Variants in RNF24 observed in about 807,000 individuals in gnomAD.
RNF24 encodes the protein ring finger protein 24.
In RNF24, 14 loss-of-function variants were observed where a neutral mutation model predicts 20.0. The observed-to-expected ratio is 0.70, with a 90% confidence interval of 0.46 to 1.10. The LOEUF (loss-of-function observed/expected upper bound fraction) is 1.10, where lower values mean the gene tolerates loss of function less well. RNF24 is among the 50% of genes least tolerant of loss of function. The pLI is 0.00. For synonymous variants in RNF24, 45 were observed against 61.1 expected (o/e 0.74, Z 1.23); for missense variants, 124 against 177.6 (o/e 0.70, Z 1.71).
chr20:3,962,217 G>A (rs903726707), intron 2 of RNF24, among the ~76,000 whole-genome samples: 1 of 152,110 alleles, frequency 6.6e-6, no homozygotes. Flanking sequence ...TTGGCCAGGT[G>A]TGGTGGCAGG....
intron 2 of RNF24, among the ~76,000 whole-genome samples, chr20:3,949,473 C>T (rs541131283): frequency 1.3e-5 from 2 of 152,116 alleles, no homozygotes; most frequent in East Asian, 3.9e-4. Context: ...ATCGCTTGAG[C>T]CCAGGAGTTC....
chr20:3,991,494 C>T (rs1046940997), intron 1 of RNF24, among the ~76,000 whole-genome samples: 5 of 152,110 alleles, frequency 3.3e-5, no homozygotes, highest in South Asian at 2.1e-4. Context: ...CCTCATGATC[C>T]GCCTGCCTAA....
intron 1 of RNF24, among the ~76,000 whole-genome samples, chr20:4,009,584 CAAT>C (rs1982270980): frequency 6.6e-6 from 1 of 151,702 alleles, no homozygotes; most frequent in Non-Finnish European, 1.5e-5. Context: ...CCTAAACCCT[CAAT>C]GAACTATGAG....
At chr20:4,005,185 G>T (rs1255433523) in intron 1 of RNF24, among the ~76,000 whole-genome samples, 1 of 151,920 alleles carries the variant, frequency 6.6e-6, no homozygotes, top group East Asian at 1.9e-4. Flanking sequence ...CATTTAGTTT[G>T]TCATCCATAA....
intron 1 of RNF24, among the ~76,000 whole-genome samples, chr20:4,014,578 A>G (rs1450408287): frequency 6.6e-6 from 1 of 152,240 alleles, no homozygotes; most frequent in Non-Finnish European, 1.5e-5. Flanking sequence ...TCCAATGAAT[A>G]AAACCCACTG....
At chr20:3,976,965 T>G (rs1317473192) in intron 1 of RNF24, among the ~76,000 whole-genome samples, 1 of 152,214 alleles carries the variant, frequency 6.6e-6, no homozygotes, top group Non-Finnish European at 1.5e-5. Context: ...TACTGTTTAT[T>G]GTAGCTGCAT....
chr20:4,008,492 AATAT>A (rs570867195), intron 1 of RNF24, among the ~76,000 whole-genome samples: 3 of 85,188 alleles, frequency 3.5e-5, no homozygotes, highest in Non-Finnish European at 4.6e-5. Context: ...AATATAATAT[AATAT>A]ATATATTATA....
In RNF24 at chr20:3,999,786, A is replaced by C. The variant is rs370385046; in HGVS notation, c.-8+15651T>G. On this transcript the variant is annotated intron_variant, in intron 1 of 5. Transcript: ENST00000358395. ...AAAACAAAACAAACAAACAAACAAA[A>C]AAAGTCACTTCATCTTTTCTTCCTT... Among the ~76,000 whole-genome samples, 6 of 152,156 alleles carry C rather than the reference A, an allele frequency of 3.9e-5. No homozygotes were observed. The East Asian group carries it at 7.7e-4, about 20-fold the overall frequency.
At chr20:3,970,633 A>G (rs2091305426) in intron 1 of RNF24, among the ~76,000 whole-genome samples, 1 of 152,226 alleles carries the variant, frequency 6.6e-6, no homozygotes, top group Admixed American at 6.5e-5. Flanking sequence ...GCAAAGAAAC[A>G]GAAGATATAA....
At chr20:3,956,824 T>G (rs762437687) in intron 2 of RNF24, among the ~76,000 whole-genome samples, 2 of 152,146 alleles carry the variant, frequency 1.3e-5, no homozygotes, top group Non-Finnish European at 2.9e-5. Flanking sequence ...TTTCTTTACA[T>G]GAAAAAATAC....
At chr20:3,949,777 T>A (rs1461127326) in intron 2 of RNF24, among the ~76,000 whole-genome samples, 4 of 152,164 alleles carry the variant, frequency 2.6e-5, no homozygotes, top group Admixed American at 2.0e-4. Context: ...GTCTGAAAAA[T>A]TTTTAAATTT....
chr20:3,945,025 T>C (rs1201233561), intron 4 of RNF24, 152 bp downstream of exon 4: 4 of 968,058 alleles, frequency 4.1e-6, no homozygotes, highest in Non-Finnish European at 6.2e-6. Flanking sequence ...ACACAATTGA[T>C]TTTTATGTGA....
Position 3,934,047 on chromosome 20 carries a change from T to C in RNF24, c.*16A>G, listed in dbSNP as rs2146936003. The C allele has an allele frequency of 6.9e-7, 1 of 1,449,932 alleles. No homozygotes were observed. The highest frequency in any genetic ancestry group is 2.7e-5 in the East Asian group (1 of 37,304). 89.8% of individuals were successfully genotyped at this position (1,449,932 alleles called of 1,614,324 possible). On this transcript the variant is annotated 3_prime_UTR_variant, in exon 6 of 6. Transcript: ENST00000358395. The surrounding 1 kb of genome is among the most constrained non-coding windows in gnomAD (Gnocchi z 4.0). ...ACAGACGTCGTGTCCAGCAACAGTC[T>C]GATCCTTGCGGTAAGCTATACAATG...
chr20:3,953,400 G>A (rs2091104381), intron 2 of RNF24, among the ~76,000 whole-genome samples: 1 of 149,756 alleles, frequency 6.7e-6, no homozygotes, highest in Admixed American at 6.7e-5. Flanking sequence ...TGATCTGCCT[G>A]CCTCAGCCTC....
chr20:3,945,344 G>C (rs2091003990), intron 3 of RNF24, 126 bp from the exon 4 acceptor site: 1 of 949,210 alleles, frequency 1.1e-6, no homozygotes, highest in Admixed American at 3.3e-5. Flanking sequence ...ATATTGAAGG[G>C]AATTTCTTTT....
At position 3,927,432 on chromosome 20, in the gene RNF24, C is replaced by T. The variant is rs2090739103; in HGVS notation, c.*6631G>A. ...AGCAATTAAATATACAAAAATATAGCTTACAAAAAACTGCGAATGTTTAAA... is the reference window on the plus strand; with the variant it reads ...AGCAATTAAATATACAAAAATATAGTTTACAAAAAACTGCGAATGTTTAAA... On this transcript the variant is annotated 3_prime_UTR_variant, in exon 6 of 6. Coordinates refer to ENST00000358395, the MANE Select transcript of RNF24 (RefSeq NM_001134337.3). The T allele has an allele frequency of 6.6e-6, 1 of 152,128 alleles. No homozygotes were observed. Among genetic ancestry groups the T allele is most frequent in the African/African-American group, 2.4e-5 (1 of 41,410 alleles). The allele number at this position is 152,128 out of a possible 1,614,324, so 9.4% of individuals were successfully genotyped here.
intron 1 of RNF24, among the ~76,000 whole-genome samples, chr20:4,011,886 A>C (rs1982486958): frequency 6.6e-6 from 1 of 152,246 alleles, no homozygotes; most frequent in Non-Finnish European, 1.5e-5. Flanking sequence ...TCCACAGAGA[A>C]TATCCAAAAG....
At chr20:3,970,052 C>T (rs2091298868) in intron 1 of RNF24, among the ~76,000 whole-genome samples, 1 of 152,042 alleles carries the variant, frequency 6.6e-6, no homozygotes, top group African/African-American at 2.4e-5. Flanking sequence ...TACATGTGGA[C>T]CCTGACTTCT....
At chr20:3,958,861 C>A (rs2091171373) in intron 2 of RNF24, among the ~76,000 whole-genome samples, 1 of 152,174 alleles carries the variant, frequency 6.6e-6, no homozygotes, top group South Asian at 2.1e-4. Context: ...AGGCTGGTCT[C>A]AAACTCCTAA....
Sources: gnomAD v4.1 joint callset for allele counts (sites outside exome capture counted in the v4.1 genomes callset) on GRCh38, gnomAD v4.1.1 for gene constraint, Gnocchi (gnomAD v3.1) non-coding constraint, MANE v1.5 for transcripts, NCBI Gene and HGNC (gene_info 2026-07-23, HGNC 2026-07-21) for gene names.